HTR1D: variants seen among roughly 807,000 people sequenced by gnomAD.
HTR1D encodes 5-hydroxytryptamine receptor 1D, also known as 5-HT-1D.
A neutral mutation model predicts 21.1 loss-of-function variants in HTR1D; 18 were observed. That is an observed-to-expected ratio of 0.85 (90% CI 0.59 to 1.27). The LOEUF (loss-of-function observed/expected upper bound fraction) is 1.27, where lower values mean the gene tolerates loss of function less well. HTR1D is among the 50% of genes most tolerant of loss of function. The pLI, the probability that HTR1D is intolerant of heterozygous loss-of-function variation, is 0.00. For missense variants in HTR1D, 456 were observed against 481.4 expected (o/e 0.95, Z 0.49); for synonymous variants, 196 against 204.4 (o/e 0.96, Z 0.35).
At chr1:23,205,821 C>T (rs1419372941) in intron 1 of HTR1D, among the ~76,000 whole-genome samples, 1 of 152,124 alleles carries the variant, frequency 6.6e-6, no homozygotes, top group Non-Finnish European at 1.5e-5. Context: ...GGATTACAGG[C>T]GTGTGCCACT....
rs201338181 is a variant in HTR1D at position 23,193,080 on chromosome 1, A to G, written c.*6T>C. 5.1e-5 allele frequency: 81 copies of G among 1,585,018 alleles called. No homozygotes were observed. The highest frequency in any genetic ancestry group is 1.3e-4 in the Admixed American group (7 of 55,510). On this transcript the variant is annotated 3_prime_UTR_variant, in exon 2 of 2. Coordinates refer to ENST00000374619, the MANE Select transcript of HTR1D (RefSeq NM_000864.5). Reference sequence around the variant, plus strand: ...AAAAGATAACAAGAGTCATCACCGAATAAGACTAGGAGGCCTTCCGGAAAG... The same window carrying G: ...AAAAGATAACAAGAGTCATCACCGAGTAAGACTAGGAGGCCTTCCGGAAAG...
chr1:23,193,205 C>T lies in HTR1D; in HGVS notation c.1015G>A (p.Asp339Asn). Residue 339 changes from aspartate (D) to asparagine (N), a missense_variant, in exon 2 of 2, where the codon GAC becomes AAC. Asp to Asn is a conservative substitution (Grantham distance 23). Coordinates refer to ENST00000374619, the MANE Select transcript of HTR1D (RefSeq NM_000864.5). ...DSCWIHPALF[D>N]FFTWLGYLNS... is the part of the protein sequence containing the mutation. Reference sequence around the variant, plus strand: ...AAATAGCCTAGCCAGGTGAAGAAGTCAAAGAGCGCCGGGTGGATCCAGCAG... The same window carrying T: ...AAATAGCCTAGCCAGGTGAAGAAGTTAAAGAGCGCCGGGTGGATCCAGCAG... The T allele has an allele frequency of 1.2e-6, 2 of 1,613,982 alleles. No homozygotes were observed. Among genetic ancestry groups the T allele is most frequent in the Non-Finnish European group, 1.7e-6 (2 of 1,180,002 alleles).
At chr1:23,214,050 G>A (rs16828054) in intron 1 of HTR1D, among the ~76,000 whole-genome samples, 24,435 of 152,196 alleles carry the variant, frequency 0.16, 2,157 homozygotes, top group Middle Eastern at 0.26. Flanking sequence ...TCAGAGCACA[G>A]TAGACTGGCA....
intron 1 of HTR1D, among the ~76,000 whole-genome samples, chr1:23,199,415 CTTTTTTTTTTTTTTT>C (rs71020483): frequency 6.5e-5 from 3 of 46,330 alleles, no homozygotes; most frequent in Non-Finnish European, 1.1e-4. Context: ...CATGTGTGGT[CTTTTTTTTTTTTTTT>C]TTTTTTTTTT....
chr1:23,198,203 C>CAAAA (rs764969891), intron 1 of HTR1D, among the ~76,000 whole-genome samples: 53 of 140,128 alleles, frequency 3.8e-4, no homozygotes, highest in Non-Finnish European at 5.9e-4. Context: ...ACTAAAAATA[C>CAAAA]AAAAAAAAAA....
At chr1:23,204,566 G>A (rs1355698899) in intron 1 of HTR1D, among the ~76,000 whole-genome samples, 2 of 152,170 alleles carry the variant, frequency 1.3e-5, no homozygotes, top group Non-Finnish European at 2.9e-5. Flanking sequence ...TGCTTCTACT[G>A]CCCTGTGCCA....
At chr1:23,198,107 C>T (rs1644696367) in intron 1 of HTR1D, among the ~76,000 whole-genome samples, 1 of 150,354 alleles carries the variant, frequency 6.7e-6, no homozygotes, top group Non-Finnish European at 1.5e-5. Flanking sequence ...CGCAATGGCT[C>T]ACGCCTGTAA....
chr1:23,203,264 G>GCT (rs1644716865), intron 1 of HTR1D, among the ~76,000 whole-genome samples: 1 of 152,112 alleles, frequency 6.6e-6, no homozygotes, highest in Admixed American at 6.6e-5. Context: ...CCCATCTCAT[G>GCT]CTCTCTCTTT....
intron 1 of HTR1D, among the ~76,000 whole-genome samples, chr1:23,206,266 G>A (rs1200456225): frequency 6.6e-6 from 1 of 151,750 alleles, no homozygotes; most frequent in Non-Finnish European, 1.5e-5. Context: ...TCCTGACCTC[G>A]TGATCCACCC....
rs1273467447 is a variant in HTR1D at position 23,194,280 on chromosome 1, C to A, written c.-61G>T. ...ATTTGGCTCCTTCCTTCAAGGTTGT[C>A]CTGACAACAGAGCAAAGTCATCCTT... On this transcript the variant is annotated 5_prime_UTR_variant, in exon 2 of 2. Coordinates refer to ENST00000374619, the MANE Select transcript of HTR1D (RefSeq NM_000864.5). 2.0e-6 allele frequency: 3 copies of A among 1,492,560 alleles called. No homozygotes were observed. Among genetic ancestry groups the A allele is most frequent in the Non-Finnish European group, 2.7e-6 (3 of 1,097,262 alleles). 92.5% of individuals were successfully genotyped at this position (1,492,560 alleles called of 1,614,324 possible).
intron 1 of HTR1D, among the ~76,000 whole-genome samples, chr1:23,209,071 C>A (rs1167235846): frequency 3.4e-5 from 5 of 148,588 alleles, no homozygotes; most frequent in African/African-American, 1.3e-4. Context: ...TCTCAGCTGA[C>A]TGCAACCTCT....
chr1:23,214,547 C>A (rs1241447592), intron 1 of HTR1D, among the ~76,000 whole-genome samples: 1 of 152,152 alleles, frequency 6.6e-6, no homozygotes, highest in African/African-American at 2.4e-5. Flanking sequence ...GCCACCCCGG[C>A]CGTCTCTCTG....
chr1:23,199,202 C>T (rs542052671), intron 1 of HTR1D, among the ~76,000 whole-genome samples: 1 of 152,168 alleles, frequency 6.6e-6, no homozygotes, highest in African/African-American at 2.4e-5. Flanking sequence ...CAGTCTTGAC[C>T]TCCTGGGCTT....
chr1:23,196,917 G>A (rs551413864), intron 1 of HTR1D, among the ~76,000 whole-genome samples: 13 of 151,300 alleles, frequency 8.6e-5, no homozygotes, highest in Middle Eastern at 3.4e-3. Context: ...GCCCCCACTC[G>A]CCCCAGGCTC....
intron 1 of HTR1D, among the ~76,000 whole-genome samples, chr1:23,210,306 G>C (rs1295137665): frequency 2.0e-5 from 3 of 152,168 alleles, no homozygotes; most frequent in African/African-American, 7.2e-5. Flanking sequence ...TCGAACTCTT[G>C]GCCTCAAGTG....
intron 1 of HTR1D, among the ~76,000 whole-genome samples, chr1:23,210,360 G>A (rs1324820423): frequency 1.3e-5 from 2 of 152,242 alleles, no homozygotes; most frequent in Non-Finnish European, 2.9e-5. Flanking sequence ...TTATAGGCGT[G>A]AGCCACCACG....
In HTR1D at chr1:23,192,357, C is replaced by G. The variant is rs144136723; in HGVS notation, c.*729G>C. On this transcript the variant is annotated 3_prime_UTR_variant, in exon 2 of 2. Transcript: ENST00000374619. ...CACAGAATGGAGACCCATCCTGGCT[C>G]CAAATTCTCTTTCAATTCAGGTCAT... The G allele has an allele frequency of 9.8e-5, 15 of 152,688 alleles. No individual in the cohort carries two copies. The highest frequency in any genetic ancestry group is 2.1e-4 in the Non-Finnish European group (14 of 68,028). 9.5% of individuals were successfully genotyped at this position (152,688 alleles called of 1,614,324 possible). A position where few individuals can be genotyped will look rare whatever the true frequency, so the allele number is the denominator to read the frequency against.
intron 1 of HTR1D, among the ~76,000 whole-genome samples, chr1:23,207,500 C>T (rs1406661095): frequency 3.3e-5 from 5 of 152,172 alleles, no homozygotes; most frequent in Admixed American, 3.3e-4. Flanking sequence ...TTGAAAACTT[C>T]TCAAGTGCTT....
chr1:23,213,046 G>A (rs1405946291), intron 1 of HTR1D, among the ~76,000 whole-genome samples: 2 of 151,590 alleles, frequency 1.3e-5, no homozygotes, highest in Non-Finnish European at 2.9e-5. Context: ...GGCTGGTCTC[G>A]AACTCCTGAC....
Sources: allele counts gnomAD v4.1 joint callset (sites outside exome capture counted in the v4.1 genomes callset), GRCh38; gene constraint gnomAD v4.1.1; transcripts MANE v1.5; gene names NCBI Gene and HGNC (gene_info 2026-07-23, HGNC 2026-07-21).